The following CAPS2 variants were observed in gnomAD, a reference collection of about 807,000 sequenced individuals.
CAPS2 encodes calcyphosine 2, also known as calcyphosin-2.
Under a neutral mutation model 86.5 loss-of-function variants are expected in CAPS2, and 98 were observed. The observed-to-expected ratio is 1.13, with a 90% CI of 0.96 to 1.34. The LOEUF (loss-of-function observed/expected upper bound fraction) is 1.34, where lower values mean the gene tolerates loss of function less well. Ranked by LOEUF, CAPS2 falls within the 40% of genes most tolerant of loss-of-function variation. CAPS2 has a pLI of 0.00. For missense variants in CAPS2, 729 were observed against 686.8 expected (o/e 1.06, Z -0.69); for synonymous variants, 210 against 225.1 (o/e 0.93, Z 0.60).
chr12:75,366,133 T>C (rs1273324797), intron 1 of CAPS2, among the ~76,000 whole-genome samples: 1 of 152,192 alleles, frequency 6.6e-6, no homozygotes, highest in African/African-American at 2.4e-5. Flanking sequence ...TGTGGGCTTA[T>C]TATTTTACTT....
At chr12:75,362,291 A>T (rs989660296) in intron 1 of CAPS2, among the ~76,000 whole-genome samples, 1 of 152,184 alleles carries the variant, frequency 6.6e-6, no homozygotes, top group African/African-American at 2.4e-5. Context: ...AAAAAATACA[A>T]ATTAAGGTCA....
exon 17 of CAPS2, chr12:75,278,135 T>C (rs757436485): frequency 1.2e-4 from 112 of 932,670 alleles, no homozygotes; most frequent in Non-Finnish European, 1.4e-4. Context: ...TATTGCTCAA[T>C]AACAATCGTA....
Position 75,337,923 on chromosome 12 carries a change from C to T in CAPS2, c.-394-14701G>A, listed in dbSNP as rs2041848167. The stretch of plus-strand genomic sequence containing the variant: ...TAAATCTTTTAACAGGGATATTTAA[C>T]CAATGTATGAATGAGATCATTCATC... On this transcript the variant is annotated intron_variant, in intron 1 of 5. Coordinates refer to the CAPS2 transcript ENST00000551829. 7.2e-5 allele frequency among the ~76,000 whole-genome samples: 11 copies of T among 152,104 alleles called. No homozygotes were observed. In the South Asian group the frequency reaches 2.3e-3, roughly 32 times the overall value.
Position 75,296,572 on chromosome 12 carries a change from G to T in CAPS2, c.1044+2115C>A, listed in dbSNP as rs1426155593. 2.0e-5 allele frequency among the ~76,000 whole-genome samples: 3 copies of T among 152,292 alleles called. No homozygotes were observed. In the South Asian group the frequency reaches 6.2e-4, roughly 32 times the overall value. The stretch of plus-strand genomic sequence containing the variant: ...CTCCCAAAGTGCTGGGATTACAGGC[G>T]TGAGCCACCGCACCCAGCGTGGTCT... On this transcript the variant is annotated intron_variant, in intron 11 of 16. Transcript: ENST00000393284.
intron 1 of CAPS2, chr12:75,343,662 C>T (rs1165974047): frequency 1.3e-5 from 20 of 1,516,844 alleles, no homozygotes; most frequent in African/African-American, 2.8e-5. Flanking sequence ...TACTTATGCA[C>T]AATTCAATTT....
At chr12:75,356,518 T>C (rs745848847) in intron 1 of CAPS2, among the ~76,000 whole-genome samples, 9 of 152,096 alleles carry the variant, frequency 5.9e-5, no homozygotes, top group Non-Finnish European at 1.3e-4. Flanking sequence ...AATTCTAAAG[T>C]AACTGCTAAA....
intron 1 of CAPS2, among the ~76,000 whole-genome samples, chr12:75,336,230 C>A (rs898798553): frequency 6.6e-6 from 1 of 151,636 alleles, no homozygotes; most frequent in Non-Finnish European, 1.5e-5. Context: ...AGCTAAAAAT[C>A]CAGTAAGTAG....
chr12:75,335,175 A>G lies in CAPS2; in HGVS notation c.-394-11953T>C, dbSNP rs938576905. Among the ~76,000 whole-genome samples, 12 of 152,292 alleles carry G rather than the reference A, an allele frequency of 7.9e-5. 1 individual carries two copies. The highest frequency in any genetic ancestry group is 7.2e-4 in the Admixed American group (11 of 15,292). ...GTTGCTTTGTTGCACCACTAAAGTT[A>G]TAAGTACTGAACACAGGATTATTTT... is the stretch of plus-strand genomic sequence containing the variant. On this transcript the variant is annotated intron_variant, in intron 1 of 5. Coordinates refer to the CAPS2 transcript ENST00000551829.
At chr12:75,388,919 T>G (rs944096360) in intron 1 of CAPS2, among the ~76,000 whole-genome samples, 10 of 152,158 alleles carry the variant, frequency 6.6e-5, no homozygotes, top group African/African-American at 2.4e-4. Context: ...TGTACCTTCC[T>G]CTCAGTTTTG....
chr12:75,351,543 TTG>T (rs1471530143), intron 1 of CAPS2, among the ~76,000 whole-genome samples: 216 of 150,464 alleles, frequency 1.4e-3, no homozygotes, highest in African/African-American at 5.0e-3. Context: ...ACACTCTGTT[TTG>T]TTTTGTTTTT....
intron 1 of CAPS2, among the ~76,000 whole-genome samples, chr12:75,363,741 G>A: frequency 6.6e-6 from 1 of 152,116 alleles, no homozygotes. Flanking sequence ...GATTTATTCT[G>A]AGCAAACATG....
chr12:75,291,522 T>A (rs1356187502), intron 13 of CAPS2, among the ~76,000 whole-genome samples: 1 of 68,420 alleles, frequency 1.5e-5, no homozygotes, highest in African/African-American at 6.8e-5. Flanking sequence ...TATATATATA[T>A]AGCTTATTTT....
chr12:75,298,744 A>G (rs2037317571), exon 11 of CAPS2: 1 of 1,614,116 alleles, frequency 6.2e-7, no homozygotes, highest in East Asian at 2.2e-5. Flanking sequence ...ACTGATGACT[A>G]TAAATGCTTT....
intron 8 of CAPS2, 130 bp from the exon 9 acceptor site, chr12:75,300,041 A>T (rs751525241): frequency 6.6e-5 from 29 of 441,006 alleles, no homozygotes; most frequent in Admixed American, 6.0e-4. Context: ...AGGTAAAAAA[A>T]AACTCTTTTT....
intron 1 of CAPS2, chr12:75,370,087 A>G: frequency 6.3e-7 from 1 of 1,595,422 alleles, no homozygotes; most frequent in Non-Finnish European, 8.6e-7. Context: ...TTTGACAGAA[A>G]ATCCATTTCT....
intron 1 of CAPS2, among the ~76,000 whole-genome samples, chr12:75,355,137 A>G (rs903751188): frequency 1.3e-5 from 2 of 152,246 alleles, no homozygotes; most frequent in African/African-American, 4.8e-5. Context: ...AATGGGATCA[A>G]TTAAACTAAA....
chr12:75,354,255 C>T (rs1042440415), intron 1 of CAPS2, among the ~76,000 whole-genome samples: 10 of 151,880 alleles, frequency 6.6e-5, no homozygotes, highest in African/African-American at 2.2e-4. Flanking sequence ...TAGAAAACCC[C>T]ATTATCTCAA....
At chr12:75,300,101 G>T (rs11180452) in intron 8 of CAPS2, among the ~76,000 whole-genome samples, 190 bp from the exon 9 acceptor site, 16,234 of 152,138 alleles carry the variant, frequency 0.11, 1,438 homozygotes, top group African/African-American at 0.25. Flanking sequence ...CTGAGATATA[G>T]TATATAATAC....
At chr12:75,329,629 G>GA (rs567882497), upstream of CAPS2, among the ~76,000 whole-genome samples, 324 of 151,380 alleles carry the variant, frequency 2.1e-3, no homozygotes, top group East Asian at 4.7e-3. Context: ...CCATAAATAA[G>GA]AAAAAAAGAA....
Sources: gnomAD v4.1 joint callset for allele counts (sites outside exome capture counted in the v4.1 genomes callset) on GRCh38, gnomAD v4.1.1 for gene constraint, MANE v1.5 for transcripts, NCBI Gene and HGNC (gene_info 2026-07-23, HGNC 2026-07-21) for gene names.